The following CD300LF variants were observed in gnomAD, a reference collection of about 807,000 sequenced individuals.
The protein encoded by CD300LF is CMRF35-like molecule 1.
Under a neutral mutation model 32.2 loss-of-function variants are expected in CD300LF, and 27 were observed. The observed-to-expected ratio is 0.84, with a 90% CI of 0.62 to 1.15. The LOEUF is 1.15. CD300LF is among the 50% of genes most tolerant of loss of function. The pLI, the probability that CD300LF is intolerant of heterozygous loss-of-function variation, is 0.00. For missense variants in CD300LF, 348 were observed against 356.8 expected (o/e 0.98, Z 0.20); for synonymous variants, 139 against 143.2 (o/e 0.97, Z 0.21).
Position 74,712,852 on chromosome 17 carries a change from T to G in CD300LF, c.15A>C (p.Thr5=). ...AGAGCCAGAAGAGGAGCAGGTAGAG[T>G]GTCAGCAGGGGCATCTTCTCTTCAG... is the stretch of plus-strand genomic sequence containing the variant. The part of the protein sequence containing the change: MPLL[T]LYLLLFWLSG... The change falls in exon 1 of 7, where the codon ACA becomes ACC. Residue 5 remains threonine (T), a synonymous_variant. Coordinates refer to ENST00000326165, the MANE Select transcript of CD300LF (RefSeq NM_139018.5). 6.2e-7 allele frequency: 1 copy of G among 1,613,594 alleles called. No individual in the cohort carries two copies. The highest frequency in any genetic ancestry group is 8.5e-7 in the Non-Finnish European group (1 of 1,179,858).
At chr17:74,712,467 A>G (rs2034037216) in intron 1 of CD300LF, among the ~76,000 whole-genome samples, 1 of 152,090 alleles carries the variant, frequency 6.6e-6, no homozygotes, top group African/African-American at 2.4e-5. Context: ...CTTGCTCAGA[A>G]CACCTCCACG....
chr17:74,698,308 A>G lies in CD300LF; in HGVS notation c.559+61T>C, dbSNP rs1486635294. 4 of 1,160,612 alleles carry G rather than the reference A, an allele frequency of 3.4e-6. No homozygotes were observed. In the East Asian group the frequency reaches 7.1e-5, roughly 21 times the overall value. 71.9% of individuals were successfully genotyped at this position (1,160,612 alleles called of 1,614,324 possible). A position where few individuals can be genotyped will look rare whatever the true frequency, so the allele number is the denominator to read the frequency against. ...TAATCCCTTGGACCAGATAGCTCCCAGATGCCACATCCCCAGCCACCCGGC... is the reference window on the plus strand; with the variant it reads ...TAATCCCTTGGACCAGATAGCTCCCGGATGCCACATCCCCAGCCACCCGGC... On this transcript the variant is annotated intron_variant, in intron 4 of 6. Coordinates refer to ENST00000326165, the MANE Select transcript of CD300LF (RefSeq NM_139018.5).
chr17:74,695,138 G>A lies in CD300LF; in HGVS notation c.831C>T (p.Gly277=), dbSNP rs2032305199. The change falls in exon 7 of 7, where the codon GGC becomes GGT. Residue 277 remains glycine (G), a synonymous_variant. Transcript: ENST00000326165. ...TGCTGTATTCCGTGGGCTCCTCAGG[G>A]CCCCTGCCGGGGAGGTGGCTACTGA... is the stretch of plus-strand genomic sequence containing the variant. ...GHLSSHLPGR[G]PEEPTEYSTI... 1 of 1,614,166 alleles carries A rather than the reference G, an allele frequency of 6.2e-7. No homozygotes were observed. The highest frequency in any genetic ancestry group is 1.3e-5 in the African/African-American group (1 of 75,066).
intron 1 of CD300LF, 24 bp from the exon 2 acceptor site, chr17:74,704,840 T>A: frequency 6.3e-7 from 1 of 1,577,562 alleles, no homozygotes; most frequent in South Asian, 1.1e-5. Flanking sequence ...ATTCATGTGC[T>A]GTCACCTCCC....
intron 3 of CD300LF, among the ~76,000 whole-genome samples, chr17:74,699,148 A>G (rs781145988): frequency 3.3e-5 from 5 of 152,088 alleles, no homozygotes; most frequent in African/African-American, 4.8e-5. Context: ...CGAACTCCTA[A>G]CCTCATGATC....
At chr17:74,702,148 G>A (rs2033112160) in intron 3 of CD300LF, among the ~76,000 whole-genome samples, 1 of 152,144 alleles carries the variant, frequency 6.6e-6, no homozygotes, top group African/African-American at 2.4e-5. Flanking sequence ...TTTGTGGCAA[G>A]GTCCCAGCAA....
At chr17:74,706,751 G>C (rs1436175575) in intron 1 of CD300LF, among the ~76,000 whole-genome samples, 4 of 152,206 alleles carry the variant, frequency 2.6e-5, no homozygotes, top group African/African-American at 9.6e-5. Flanking sequence ...GTGTCAGAGA[G>C]ACCCTGGGAA....
At chr17:74,696,340 G>C in intron 4 of CD300LF, 123 bp from the exon 5 acceptor site, 1 of 1,001,086 alleles carries the variant, frequency 1.0e-6, no homozygotes, top group South Asian at 1.7e-5. Flanking sequence ...CAGAGACAGG[G>C]ACCTGGTTCT....
chr17:74,703,049 G>T lies in CD300LF; in HGVS notation c.432C>A (p.His144Gln). The change falls in exon 3 of 7, where the codon CAC becomes CAA. Residue 144 changes from histidine to glutamine, a missense_variant. By Grantham distance (24) the His-to-Gln change is conservative. Coordinates refer to ENST00000326165, the MANE Select transcript of CD300LF (RefSeq NM_139018.5). Reference sequence around the variant, plus strand: ...AGCTGGCTTACCTGTTGTCCAAGTGGTGGCCGGTCAGAGTTGGGGAGCTGC... The same window carrying T: ...AGCTGGCTTACCTGTTGTCCAAGTGTTGGCCGGTCAGAGTTGGGGAGCTGC... Reference protein sequence around the residue: ...ETSSSPTLTGHHLDNRHKLLK... With the variant: ...ETSSSPTLTGQHLDNRHKLLK... 1.2e-6 allele frequency: 2 copies of T among 1,613,842 alleles called. No homozygotes were observed. The highest frequency in any genetic ancestry group is 8.5e-7 in the Non-Finnish European group (1 of 1,179,740).
chr17:74,696,908 G>T (rs989379936), intron 4 of CD300LF, among the ~76,000 whole-genome samples: 2 of 71,026 alleles, frequency 2.8e-5, no homozygotes, highest in African/African-American at 2.8e-4. Flanking sequence ...GATTTTGTTT[G>T]GTTTGGTTTG....
chr17:74,695,298 C>T (rs772801020), intron 6 of CD300LF, 47 bp from the exon 7 acceptor site: 29 of 1,606,880 alleles, frequency 1.8e-5, no homozygotes, highest in South Asian at 5.5e-5. Flanking sequence ...CAGGAAGTGA[C>T]GGTCACGGGG....
chr17:74,706,282 A>AATAT (rs35583593), intron 1 of CD300LF, among the ~76,000 whole-genome samples: 72 of 145,160 alleles, frequency 5.0e-4, no homozygotes, highest in African/African-American at 1.8e-3. Context: ...GGAAAAAAAA[A>AATAT]ATATATATAT....
At chr17:74,700,785 G>C (rs543910792) in intron 3 of CD300LF, among the ~76,000 whole-genome samples, 37 of 152,128 alleles carry the variant, frequency 2.4e-4, no homozygotes, top group African/African-American at 8.2e-4. Context: ...ACTGTTGTGG[G>C]CTGGGCTGGA....
intron 3 of CD300LF, among the ~76,000 whole-genome samples, chr17:74,699,213 G>A (rs1207530454): frequency 1.3e-5 from 2 of 152,166 alleles, no homozygotes; most frequent in Non-Finnish European, 2.9e-5. Context: ...CACAGCGCCC[G>A]GCCTTAACAA....
intron 3 of CD300LF, among the ~76,000 whole-genome samples, chr17:74,699,966 C>CTCCG (rs1394973682): frequency 6.6e-6 from 1 of 151,832 alleles, no homozygotes; most frequent in Non-Finnish European, 1.5e-5. Context: ...CATGGTGAAA[C>CTCCG]TCCGTCTCTA....
intron 1 of CD300LF, among the ~76,000 whole-genome samples, chr17:74,711,029 A>G (rs1446248458): frequency 6.6e-6 from 1 of 152,120 alleles, no homozygotes; most frequent in African/African-American, 2.4e-5. Context: ...ACAGACTGAG[A>G]CCCCAACTCA....
At chr17:74,697,557 G>A (rs1271772321) in intron 4 of CD300LF, among the ~76,000 whole-genome samples, 1 of 152,230 alleles carries the variant, frequency 6.6e-6, no homozygotes, top group South Asian at 2.1e-4. Flanking sequence ...TTCCCAGGCT[G>A]TGGGGAGGGA....
In CD300LF at chr17:74,704,586, T is replaced by C. The variant is rs1253762357; in HGVS notation, c.274A>G (p.Thr92Ala). ...TTCATGAGATCCTCCATGGTCACAG[T>C]GAACGTGCGGTTTTTCTGATTGTCC... ...IKDNQKNRTF[T>A]VTMEDLMKTD... is the part of the protein sequence containing the mutation. Residue 92 changes from threonine (T) to alanine (A), a missense_variant, in exon 2 of 7, where the codon ACT becomes GCT. By Grantham distance (58) the Thr-to-Ala change is moderately conservative. Coordinates refer to ENST00000326165, the MANE Select transcript of CD300LF (RefSeq NM_139018.5). 1 of 1,614,206 alleles carries C rather than the reference T, an allele frequency of 6.2e-7. No individual in the cohort carries two copies. Among genetic ancestry groups the C allele is most frequent in the Non-Finnish European group, 8.5e-7 (1 of 1,180,040 alleles).
rs2032402660 is a variant in CD300LF, at chr17:74,695,796, AGGTT to A, written c.642_645del (p.Thr215ProfsTer37). The A allele has an allele frequency of 6.2e-7, 1 of 1,613,974 alleles. No individual in the cohort carries two copies. The highest frequency in any genetic ancestry group is 1.3e-5 in the African/African-American group (1 of 74,904). ...AGCTTCGTGGTAGCCTTTTGCGGGG[AGGTT>A]CCGGCCAGCTGCAGGGTCAGGTCTG... On this transcript the variant is annotated frameshift_variant, in exon 6 of 7. Coordinates refer to ENST00000326165, the MANE Select transcript of CD300LF (RefSeq NM_139018.5). LOFTEE classifies it high-confidence loss of function.
Sources: gnomAD v4.1 joint callset for allele counts (sites outside exome capture counted in the v4.1 genomes callset) on GRCh38, gnomAD v4.1.1 for gene constraint, MANE v1.5 for transcripts, NCBI Gene and HGNC (gene_info 2026-07-23, HGNC 2026-07-21) for gene names.